SELP: variants seen among roughly 807,000 people sequenced by gnomAD.
SELP encodes the protein selectin P.
SELP carries 92 observed loss-of-function variants against 104.1 expected under a neutral mutation model. The observed-to-expected ratio is 0.88, with a 90% confidence interval of 0.75 to 1.05. The LOEUF (loss-of-function observed/expected upper bound fraction) is 1.05. Among genes scored for constraint, SELP ranks in the 50% least tolerant of loss-of-function variants. SELP has a pLI of 0.00. For synonymous variants in SELP, 397 were observed against 364.5 expected (o/e 1.09, Z -1.01); for missense variants, 1,022 against 1,017.3 (o/e 1.00, Z -0.06).
At chr1:169,619,371 A>G (rs1662980579) in intron 1 of SELP, 152 bp from the exon 2 acceptor site, 7 of 615,762 alleles carry the variant, frequency 1.1e-5, no homozygotes, top group Non-Finnish European at 1.7e-5. Flanking sequence ...CTTGCTTCTC[A>G]TTGCCCTGCT....
intron 14 of SELP, among the ~76,000 whole-genome samples, chr1:169,592,867 A>G (rs1285694492): frequency 6.6e-6 from 1 of 152,190 alleles, no homozygotes; most frequent in Non-Finnish European, 1.5e-5. Flanking sequence ...ATTCAGATGC[A>G]CTGAACTGCG....
chr1:169,603,155 G>A lies in SELP; in HGVS notation c.1576C>T (p.Pro526Ser). Residue 526 changes from proline (P) to serine (S), a missense_variant, in exon 10 of 17, where the codon CCT becomes TCT. By Grantham distance (74) the Pro-to-Ser change is moderately conservative (BLOSUM62 -1). Transcript: ENST00000263686. Reference sequence around the variant, plus strand: ...GATTTATAACTGGAACTTCCAAGAGGTTGAACACAGGTCATTGTTCCATTC... The same window carrying A: ...GATTTATAACTGGAACTTCCAAGAGATTGAACACAGGTCATTGTTCCATTC... ...PQNGTMTCVQ[P>S]LGSSSYKSTC... The A allele has an allele frequency of 1.2e-6, 2 of 1,614,068 alleles. No individual in the cohort carries two copies. The highest frequency in any genetic ancestry group is 2.2e-5 in the South Asian group (2 of 91,074).
At chr1:169,603,643 A>G (rs1485551143) in intron 9 of SELP, among the ~76,000 whole-genome samples, 1 of 152,144 alleles carries the variant, frequency 6.6e-6, no homozygotes, top group Non-Finnish European at 1.5e-5. Flanking sequence ...ACAATGACAA[A>G]TGATTGGAAA....
intron 11 of SELP, among the ~76,000 whole-genome samples, chr1:169,596,588 A>C (rs1661624342): frequency 6.6e-6 from 1 of 152,226 alleles, no homozygotes; most frequent in South Asian, 2.1e-4. Context: ...GAATGATCCC[A>C]CCAGCTTTGT....
At chr1:169,607,560 A>G (rs1662264519) in intron 8 of SELP, among the ~76,000 whole-genome samples, 1 of 152,186 alleles carries the variant, frequency 6.6e-6, no homozygotes, top group Non-Finnish European at 1.5e-5. Flanking sequence ...TAAAAATAAT[A>G]TATTTTAACT....
chr1:169,628,444 A>G (rs1457037618), intron 1 of SELP, among the ~76,000 whole-genome samples: 1 of 152,218 alleles, frequency 6.6e-6, no homozygotes. Context: ...CTTGTCTTTG[A>G]AATATTAAAA....
chr1:169,610,951 T>C (rs1456492182), intron 7 of SELP, among the ~76,000 whole-genome samples: 1 of 152,156 alleles, frequency 6.6e-6, no homozygotes. Flanking sequence ...GTCATCCAGG[T>C]CTGGGAATTC....
At chr1:169,618,942 T>A (rs193142139) in intron 2 of SELP, among the ~76,000 whole-genome samples, 187 bp downstream of exon 2, 2 of 152,392 alleles carry the variant, frequency 1.3e-5, no homozygotes, top group East Asian at 3.9e-4. Flanking sequence ...TATATCATTT[T>A]AAGTTCTTTC....
At chr1:169,608,115 T>C (rs1422378452) in intron 8 of SELP, among the ~76,000 whole-genome samples, 1 of 151,782 alleles carries the variant, frequency 6.6e-6, no homozygotes, top group East Asian at 1.9e-4. Context: ...TCATGGTGTA[T>C]AGCCATCTAT....
chr1:169,596,264 A>T, intron 11 of SELP, 130 bp from the exon 12 acceptor site: 1 of 777,176 alleles, frequency 1.3e-6, no homozygotes, highest in Non-Finnish European at 2.1e-6. Context: ...GAGCTATTTA[A>T]GGAAGTTAAG....
chr1:169,605,155 G>C (rs1263120683), intron 9 of SELP, among the ~76,000 whole-genome samples: 1 of 152,210 alleles, frequency 6.6e-6, no homozygotes, highest in African/African-American at 2.4e-5. Context: ...AGGCTTGCCT[G>C]TAAGAGTTTC....
chr1:169,617,273 A>G lies in SELP; in HGVS notation c.236T>C (p.Leu79Pro), dbSNP rs1243900456. The part of the protein sequence containing the change: ...AIQNKNEIDY[L>P]NKVLPYYSSY... ...GCTGTAGTAGGGTAGGACCTTATTGAGGTAATCAATTTCATTTTTATTCTG... is the reference window on the plus strand; with the variant it reads ...GCTGTAGTAGGGTAGGACCTTATTGGGGTAATCAATTTCATTTTTATTCTG... The change falls in exon 3 of 17, where the codon CTC becomes CCC. Residue 79 changes from leucine (L) to proline (P), a missense_variant. Leu to Pro is a moderately conservative substitution (Grantham distance 98). Transcript: ENST00000263686. The G allele has an allele frequency of 6.2e-7, 1 of 1,613,880 alleles. No homozygotes were observed. The highest frequency in any genetic ancestry group is 8.5e-7 in the Non-Finnish European group (1 of 1,179,996).
chr1:169,594,089 A>G (rs1661474434), intron 13 of SELP, among the ~76,000 whole-genome samples: 1 of 152,228 alleles, frequency 6.6e-6, no homozygotes, highest in African/African-American at 2.4e-5. Context: ...TTAAATATAA[A>G]CTGTAATTTC....
chr1:169,626,048 T>C (rs1443372143), intron 1 of SELP, among the ~76,000 whole-genome samples: 7 of 152,118 alleles, frequency 4.6e-5, no homozygotes, highest in Non-Finnish European at 8.8e-5. Context: ...GAGAGAAGAA[T>C]GACTGCAAGA....
In SELP at chr1:169,589,269, G is replaced by A. The variant is rs1661230764; in HGVS notation, c.*194C>T. On this transcript the variant is annotated 3_prime_UTR_variant, in exon 17 of 17. Coordinates refer to ENST00000263686, the MANE Select transcript of SELP (RefSeq NM_003005.4). ...CACAGAGACTACTGCAGAAACATTT[G>A]CTCCTGGCTTCTGTGGCTTGTGTTA... is the stretch of plus-strand genomic sequence containing the variant. 6.6e-6 allele frequency: 1 copy of A among 152,186 alleles called. No individual in the cohort carries two copies. 9.4% of individuals were successfully genotyped at this position (152,186 alleles called of 1,614,324 possible). A position where few individuals can be genotyped will look rare whatever the true frequency, so the allele number is the denominator to read the frequency against.
intron 1 of SELP, among the ~76,000 whole-genome samples, chr1:169,627,945 G>A (rs1005399080): frequency 2.6e-5 from 4 of 152,170 alleles, no homozygotes; most frequent in Non-Finnish European, 5.9e-5. Flanking sequence ...ACCCAGGCTG[G>A]AGTTCAGTGG....
At chr1:169,617,556 AGTT>A (rs781052891) in intron 2 of SELP, 142 bp from the exon 3 acceptor site, 52 of 830,344 alleles carry the variant, frequency 6.3e-5, no homozygotes, top group Non-Finnish European at 1.1e-5. Context: ...TGTCTAATGT[AGTT>A]GTTTGAAGGA....
At chr1:169,608,927 C>T (rs1381085905) in intron 8 of SELP, among the ~76,000 whole-genome samples, 1 of 152,058 alleles carries the variant, frequency 6.6e-6, no homozygotes, top group East Asian at 1.9e-4. Context: ...AGATTAGAAA[C>T]CTAACATATT....
intron 1 of SELP, among the ~76,000 whole-genome samples, chr1:169,628,191 C>T (rs540208536): frequency 6.6e-6 from 1 of 152,300 alleles, no homozygotes; most frequent in East Asian, 1.9e-4. Context: ...CCACTGAGCC[C>T]GGCCATAGCC....
Sources: gnomAD v4.1 joint callset for allele counts (sites outside exome capture counted in the v4.1 genomes callset) on GRCh38, gnomAD v4.1.1 for gene constraint, MANE v1.5 for transcripts, NCBI Gene and HGNC (gene_info 2026-07-23, HGNC 2026-07-21) for gene names.